Variants in TNFRSF10A observed in about 807,000 individuals in gnomAD.
The protein encoded by TNFRSF10A is TNF receptor superfamily member 10a.
Under a neutral mutation model 42.8 loss-of-function variants are expected in TNFRSF10A, and 44 were observed. The ratio of observed to expected loss-of-function variants is 1.03; its 90% CI spans 0.81 to 1.32. TNFRSF10A has a LOEUF of 1.32. Among genes scored for constraint, TNFRSF10A ranks in the 40% most tolerant of loss-of-function variants. The pLI, the probability that TNFRSF10A is intolerant of heterozygous loss-of-function variation, is 0.00. For synonymous variants in TNFRSF10A, 259 were observed against 234.2 expected (o/e 1.11, Z -0.97); for missense variants, 680 against 602.0 (o/e 1.13, Z -1.36).
intron 6 of TNFRSF10A, 109 bp downstream of exon 6, chr8:23,200,396 C>G (rs1406392720): frequency 4.0e-6 from 5 of 1,245,838 alleles, no homozygotes; most frequent in Non-Finnish European, 5.8e-6. Context: ...AAGATAGAGC[C>G]CGGCCAGAGA....
At chr8:23,207,440 T>A (rs186706067) in intron 2 of TNFRSF10A, 1 of 473,386 alleles carries the variant, frequency 2.1e-6, no homozygotes, top group Non-Finnish European at 4.1e-6. Context: ...GAGGCCCAGA[T>A]GCCTTTACCA....
In TNFRSF10A at chr8:23,200,684, T is replaced by G; in HGVS notation, c.703+3A>C. The G allele has an allele frequency of 6.2e-7, 1 of 1,611,510 alleles. No individual in the cohort carries two copies. Among genetic ancestry groups the G allele is most frequent in the Non-Finnish European group, 8.5e-7 (1 of 1,178,482 alleles). Reference sequence around the variant, plus strand: ...GCTGGGGCTTCCCCAGTGGGCTTTGTACCTGATTCTTTGTGGACACACTCG... The same window carrying G: ...GCTGGGGCTTCCCCAGTGGGCTTTGGACCTGATTCTTTGTGGACACACTCG... On this transcript the variant is annotated splice_donor_region_variant and intron_variant, in intron 5 of 9. Coordinates refer to ENST00000221132, the MANE Select transcript of TNFRSF10A (RefSeq NM_003844.4).
chr8:23,197,465 G>C (rs1054614011), intron 8 of TNFRSF10A, among the ~76,000 whole-genome samples: 5 of 152,104 alleles, frequency 3.3e-5, no homozygotes, highest in East Asian at 1.9e-4. Flanking sequence ...AACTGTGCAC[G>C]TCAGGGATCT....
intron 5 of TNFRSF10A, 37 bp downstream of exon 5, chr8:23,200,650 T>C: frequency 3.1e-6 from 5 of 1,614,002 alleles, no homozygotes; most frequent in Non-Finnish European, 2.5e-6. Flanking sequence ...GGTCCCTGTC[T>C]CCTCTGCAGC....
intron 8 of TNFRSF10A, among the ~76,000 whole-genome samples, chr8:23,197,547 C>A (rs1288595363): frequency 6.6e-6 from 1 of 152,176 alleles, no homozygotes. Context: ...TCAGATAGGA[C>A]CATCTCGTTG....
chr8:23,199,384 A>G lies in TNFRSF10A; in HGVS notation c.896T>C (p.Ile299Thr), dbSNP rs764151190. The part of the protein sequence containing the change: ...PGAEDNAHNE[I>T]LSNADSLSTF... ...GGACAGCGAGTCTGCGTTGCTCAGA[A>G]TCTCGTTGTGAGCATTGTCCTCAGC... The change falls in exon 8 of 10, where the codon ATT (isoleucine) becomes ACT (threonine). Residue 299 changes from isoleucine to threonine, a missense_variant. By Grantham distance (89) the Ile-to-Thr change is moderately conservative (BLOSUM62 -1). Transcript: ENST00000221132. The G allele has an allele frequency of 5.0e-6, 8 of 1,614,114 alleles. No individual in the cohort carries two copies. The highest frequency in any genetic ancestry group is 5.9e-6 in the Non-Finnish European group (7 of 1,180,006).
chr8:23,218,154 GTT>G (rs1329177604), intron 1 of TNFRSF10A, among the ~76,000 whole-genome samples: 2 of 151,376 alleles, frequency 1.3e-5, no homozygotes, highest in African/African-American at 2.4e-5. Context: ...TTGTGTGTGT[GTT>G]TGTGTGTGTG....
At chr8:23,202,194 A>G (rs1445576862) in intron 3 of TNFRSF10A, among the ~76,000 whole-genome samples, 8 of 152,246 alleles carry the variant, frequency 5.3e-5, no homozygotes, top group African/African-American at 1.9e-4. Context: ...TCAGTAGCAA[A>G]GGAGGCACAT....
At chr8:23,212,983 C>T (rs899109067) in intron 1 of TNFRSF10A, among the ~76,000 whole-genome samples, 10 of 152,188 alleles carry the variant, frequency 6.6e-5, no homozygotes, top group Admixed American at 5.2e-4. Context: ...CATGTTAGTT[C>T]TTTAAATGTT....
intron 9 of TNFRSF10A, among the ~76,000 whole-genome samples, chr8:23,195,617 C>A (rs890838867): frequency 1.3e-5 from 2 of 152,128 alleles, no homozygotes; most frequent in African/African-American, 4.8e-5. Flanking sequence ...CTTAGGAGAG[C>A]CTATGTGGAC....
At chr8:23,193,910 A>G (rs1800787455) in intron 9 of TNFRSF10A, among the ~76,000 whole-genome samples, 1 of 152,046 alleles carries the variant, frequency 6.6e-6, no homozygotes, top group Non-Finnish European at 1.5e-5. Flanking sequence ...AGTAGGATGG[A>G]GTTCCTGTAT....
rs149012704 is a variant in TNFRSF10A, at chr8:23,202,700, G to T, written c.465C>A (p.Thr155=). The T allele has an allele frequency of 1.7e-3, 2,819 of 1,614,004 alleles. 5 individuals carry two copies. The highest frequency in any genetic ancestry group is 2.2e-3 in the Non-Finnish European group (2,617 of 1,179,956). Residue 155 remains threonine, a synonymous_variant, in exon 3 of 10, where the codon ACC becomes ACA. Coordinates refer to ENST00000221132, the MANE Select transcript of TNFRSF10A (RefSeq NM_003844.4). ...AAGCAAACAAATTGTTGGAAGCATTGGTGTAACCCACACCCTCTGTGCACC... is the reference window on the plus strand; with the variant it reads ...AAGCAAACAAATTGTTGGAAGCATTTGTGTAACCCACACCCTCTGTGCACC... The part of the protein sequence containing the change: ...CNRCTEGVGY[T]NASNNLFACL...
intron 1 of TNFRSF10A, among the ~76,000 whole-genome samples, chr8:23,223,977 G>A (rs1412339212): frequency 6.6e-6 from 1 of 152,210 alleles, no homozygotes; most frequent in Non-Finnish European, 1.5e-5. Flanking sequence ...ACGAGCAGAG[G>A]AGAGAAAGTT....
At chr8:23,213,415 G>A (rs1021099094) in intron 1 of TNFRSF10A, among the ~76,000 whole-genome samples, 3 of 131,870 alleles carry the variant, frequency 2.3e-5, no homozygotes, top group African/African-American at 8.4e-5. Context: ...TTTTTTGCTG[G>A]TTTGGGCTTA....
intron 2 of TNFRSF10A, among the ~76,000 whole-genome samples, chr8:23,209,621 C>A (rs191235525): frequency 3.3e-4 from 51 of 152,322 alleles, no homozygotes; most frequent in Admixed American, 1.3e-3. Flanking sequence ...GACTGCCCTG[C>A]TGGATTTCAA....
intron 2 of TNFRSF10A, among the ~76,000 whole-genome samples, chr8:23,210,335 T>C (rs1424193179): frequency 6.6e-6 from 1 of 152,212 alleles, no homozygotes; most frequent in Admixed American, 6.5e-5. Flanking sequence ...CTTATGAATA[T>C]TGTTGCAAAA....
chr8:23,192,398 G>A (rs1338140689), intron 9 of TNFRSF10A, among the ~76,000 whole-genome samples: 1 of 152,246 alleles, frequency 6.6e-6, no homozygotes, highest in African/African-American at 2.4e-5. Context: ...TGTCATGGGA[G>A]CATGTCCCAG....
Position 23,200,706 on chromosome 8 carries a change from C to T in TNFRSF10A, c.684G>A (p.Glu228=), listed in dbSNP as rs772321363. ...VKDCTPWSDI[E]CVHKESGNGH... ...TTGTACCTGATTCTTTGTGGACACA[C>T]TCGATGTCACTCCAGGGCGTACAAT... Residue 228 remains glutamate (E), a synonymous_variant, in exon 5 of 10, where the codon GAG becomes GAA. Coordinates refer to ENST00000221132, the MANE Select transcript of TNFRSF10A (RefSeq NM_003844.4). 14 of 1,612,658 alleles carry T rather than the reference C, an allele frequency of 8.7e-6. No homozygotes were observed. The highest frequency in any genetic ancestry group is 2.2e-5 in the South Asian group (2 of 91,062).
chr8:23,200,784 G>T (rs552632416), intron 4 of TNFRSF10A, 24 bp from the exon 5 acceptor site: 8 of 1,561,196 alleles, frequency 5.1e-6, no homozygotes, highest in Non-Finnish European at 6.2e-6. Context: ...GGGAGGGAGG[G>T]GGGGGACTCT....
Sources: gnomAD v4.1 joint callset for allele counts (sites outside exome capture counted in the v4.1 genomes callset) on GRCh38, gnomAD v4.1.1 for gene constraint, MANE v1.5 for transcripts, NCBI Gene and HGNC (gene_info 2026-07-23, HGNC 2026-07-21) for gene names.